Variants in SLC35F4 observed in about 807,000 individuals in gnomAD.
SLC35F4 encodes the protein chromosome 14 open reading frame 36.
A neutral mutation model predicts 44.2 loss-of-function variants in SLC35F4; 24 were observed. The ratio of observed to expected loss-of-function variants is 0.54; its 90% CI spans 0.39 to 0.76. The LOEUF (loss-of-function observed/expected upper bound fraction) is 0.76, where lower values mean the gene tolerates loss of function less well. Ranked by LOEUF, SLC35F4 falls within the 30% of genes least tolerant of loss-of-function variation. The probability of loss-of-function intolerance (pLI) is 0.00; values close to 1 mark genes in which losing one functional copy is unlikely to be tolerated. For missense variants in SLC35F4, 562 were observed against 586.1 expected (o/e 0.96, Z 0.42); for synonymous variants, 238 against 223.6 (o/e 1.06, Z -0.57).
chr14:57,663,211 G>A (rs186010317), intron 1 of SLC35F4, among the ~76,000 whole-genome samples: 31 of 152,276 alleles, frequency 2.0e-4, no homozygotes, highest in Admixed American at 4.6e-4. Context: ...CCGTATAGAT[G>A]TAGAATATAT....
intron 1 of SLC35F4, among the ~76,000 whole-genome samples, chr14:57,724,751 A>AT (rs1480815751): frequency 6.6e-6 from 1 of 152,144 alleles, no homozygotes; most frequent in Non-Finnish European, 1.5e-5. Context: ...GTTCTGCACG[A>AT]TATGCAGGCA....
At position 57,564,180 on chromosome 14, in the gene SLC35F4, C is replaced by T. The variant is rs775434609; in HGVS notation, c.1413G>A (p.Arg471=). 1.2e-6 allele frequency: 2 copies of T among 1,613,670 alleles called. No individual in the cohort carries two copies. Among genetic ancestry groups the T allele is most frequent in the East Asian group, 4.5e-5 (2 of 44,850 alleles). ...CTGTCCCATTGGCTCTGCCTCTGCC[C>T]CGCAGGTGTATGCTGGGATCAGTCA... The part of the protein sequence containing the change: ...DDVTDPSIHL[R]GRGRANGTVS... The change falls in exon 8 of 8, where the codon CGG becomes CGA. Residue 471 remains arginine, a synonymous_variant. Coordinates refer to ENST00000556826, the MANE Select transcript of SLC35F4 (RefSeq NM_001306087.2).
At chr14:57,661,984 C>T (rs2074153110) in intron 1 of SLC35F4, among the ~76,000 whole-genome samples, 1 of 152,144 alleles carries the variant, frequency 6.6e-6, no homozygotes, top group South Asian at 2.1e-4. Flanking sequence ...ATGGTGAGAC[C>T]TGTGGTGATC....
At chr14:57,733,147 A>T (rs1276433180) in intron 1 of SLC35F4, among the ~76,000 whole-genome samples, 1 of 152,192 alleles carries the variant, frequency 6.6e-6, no homozygotes, top group Non-Finnish European at 1.5e-5. Flanking sequence ...GCACTGGTCC[A>T]ACTGCCATAT....
intron 1 of SLC35F4, among the ~76,000 whole-genome samples, chr14:57,885,194 C>T (rs148286549): frequency 1.3e-5 from 2 of 152,222 alleles, no homozygotes; most frequent in Admixed American, 6.5e-5. Context: ...TACTCTGGAC[C>T]TAGTCTGCCC....
At position 57,564,067 on chromosome 14, in the gene SLC35F4, C is replaced by T. The variant is rs1703165617; in HGVS notation, c.*68G>A. The T allele has an allele frequency of 1.9e-6, 3 of 1,565,070 alleles. No individual in the cohort carries two copies. Among genetic ancestry groups the T allele is most frequent in the Non-Finnish European group, 1.7e-6 (2 of 1,147,544 alleles). On this transcript the variant is annotated 3_prime_UTR_variant, in exon 8 of 8. Coordinates refer to ENST00000556826, the MANE Select transcript of SLC35F4 (RefSeq NM_001306087.2). ...GAGTTAATACTGTCGTTTGAGTGTA[C>T]AGGTAGTGAGAAAATTTTGTTATAT...
chr14:57,895,675 T>C lies in SLC35F4; in HGVS notation n.282+86238A>G, dbSNP rs115368798. Among the ~76,000 whole-genome samples the C allele has an allele frequency of 9.5e-3, 1,442 of 152,234 alleles. 25 individuals carry two copies. The highest frequency in any genetic ancestry group is 0.033 in the African/African-American group (1,382 of 41,548). On this transcript the variant is annotated intron_variant and non_coding_transcript_variant, in intron 1 of 1. Transcript: ENST00000556568. ...GTTGTTTTCGCTTCACCTTCTGCTA[T>C]GATCGTAAGTTTCCTGAGGCCTCCC...
At chr14:57,879,824 T>C (rs1888480051) in intron 1 of SLC35F4, among the ~76,000 whole-genome samples, 1 of 152,100 alleles carries the variant, frequency 6.6e-6, no homozygotes, top group African/African-American at 2.4e-5. Context: ...CAGTAAGCCT[T>C]ATAAAGCCAG....
intron 1 of SLC35F4, among the ~76,000 whole-genome samples, chr14:57,920,833 C>T (rs926928419): frequency 6.6e-6 from 1 of 152,194 alleles, no homozygotes; most frequent in African/African-American, 2.4e-5. Context: ...ATCCCTTCCA[C>T]ATTGAGAGAC....
At chr14:57,625,428 C>A (rs1436379670) in intron 1 of SLC35F4, among the ~76,000 whole-genome samples, 1 of 152,132 alleles carries the variant, frequency 6.6e-6, no homozygotes, top group Non-Finnish European at 1.5e-5. Flanking sequence ...CATTGACTTT[C>A]TTGAAAGAAT....
intron 4 of SLC35F4, among the ~76,000 whole-genome samples, chr14:57,575,280 C>A (rs938829802): frequency 6.6e-5 from 10 of 152,136 alleles, no homozygotes; most frequent in African/African-American, 2.4e-4. Context: ...GAGTTCGAGA[C>A]CAGCCTGGCC....
intron 4 of SLC35F4, among the ~76,000 whole-genome samples, chr14:57,578,106 T>TA (rs941448671): frequency 4.0e-5 from 6 of 151,870 alleles, no homozygotes; most frequent in African/African-American, 1.5e-4. Context: ...TGTTGTAACT[T>TA]AAAGTGTCTT....
chr14:57,860,381 A>G (rs2141009357), intron 1 of SLC35F4, among the ~76,000 whole-genome samples: 1 of 152,340 alleles, frequency 6.6e-6, no homozygotes, highest in African/African-American at 2.4e-5. Flanking sequence ...AGAGAGGCGA[A>G]GTAAATGCAC....
At chr14:57,617,098 G>A (rs1043555967) in intron 1 of SLC35F4, among the ~76,000 whole-genome samples, 6 of 148,070 alleles carry the variant, frequency 4.1e-5, no homozygotes, top group African/African-American at 1.2e-4. Flanking sequence ...ACCCCATATT[G>A]GAAATTCGAG....
intron 1 of SLC35F4, among the ~76,000 whole-genome samples, chr14:57,673,670 T>A (rs1452049227): frequency 6.6e-6 from 1 of 151,696 alleles, no homozygotes; most frequent in Non-Finnish European, 1.5e-5. Context: ...TCAAGAGGGA[T>A]GAATGCAGGT....
chr14:57,689,512 A>G (rs188645647), intron 1 of SLC35F4, among the ~76,000 whole-genome samples: 3 of 152,286 alleles, frequency 2.0e-5, no homozygotes, highest in Non-Finnish European at 1.5e-5. Flanking sequence ...CTCACTGTCC[A>G]CCACCACCCT....
intron 1 of SLC35F4, among the ~76,000 whole-genome samples, chr14:57,945,662 G>C (rs1289165613): frequency 6.6e-6 from 1 of 151,942 alleles, no homozygotes; most frequent in African/African-American, 2.4e-5. Flanking sequence ...TGGATCAAAT[G>C]GTAGTTCTAC....
chr14:57,863,462 A>C (rs767251577), intron 1 of SLC35F4, among the ~76,000 whole-genome samples: 123 of 152,224 alleles, frequency 8.1e-4, no homozygotes, highest in Non-Finnish European at 1.6e-3. Context: ...ATTGTCCTTC[A>C]TATGTGATCA....
intron 1 of SLC35F4, among the ~76,000 whole-genome samples, chr14:57,940,380 G>T (rs539942165): frequency 6.6e-6 from 1 of 152,116 alleles, no homozygotes. Flanking sequence ...CTAAAAAATA[G>T]TTCATTCTGT....
Sources: gnomAD v4.1 joint callset for allele counts (sites outside exome capture counted in the v4.1 genomes callset) on GRCh38, gnomAD v4.1.1 for gene constraint, MANE v1.5 for transcripts, NCBI Gene and HGNC (gene_info 2026-07-23, HGNC 2026-07-21) for gene names.